NRIP1: variants seen among roughly 807,000 people sequenced by gnomAD.
The protein encoded by NRIP1 is nuclear receptor-interacting protein 1.
In NRIP1, 28 loss-of-function variants were observed where a neutral mutation model predicts 75.0. The observed-to-expected ratio is 0.37, with a 90% CI of 0.28 to 0.51. The LOEUF (loss-of-function observed/expected upper bound fraction) is 0.51. NRIP1 is among the 20% of genes least tolerant of loss of function. NRIP1 has a pLI of 0.92. For synonymous variants in NRIP1, 526 were observed against 487.6 expected, an observed-to-expected ratio of 1.08 and a Z score of -1.04; for missense variants, 1,435 against 1,343.7, an observed-to-expected ratio of 1.07 and a Z score of -1.06.
chr21:15,035,263 G>A (rs1271946405), intron 2 of NRIP1, among the ~76,000 whole-genome samples: 1 of 152,004 alleles, frequency 6.6e-6, no homozygotes, highest in East Asian at 1.9e-4. Context: ...TTTTTCTGAA[G>A]AGAAAACAGG....
chr21:14,994,843 A>G (rs961244195), intron 3 of NRIP1, among the ~76,000 whole-genome samples: 1 of 152,230 alleles, frequency 6.6e-6, no homozygotes, highest in Admixed American at 6.5e-5. Flanking sequence ...AAATGAAAGC[A>G]CTTAACATTG....
At chr21:15,007,263 T>C (rs2087994837) in intron 3 of NRIP1, among the ~76,000 whole-genome samples, 1 of 152,092 alleles carries the variant, frequency 6.6e-6, no homozygotes, top group Non-Finnish European at 1.5e-5. Context: ...AAACTGTAGA[T>C]CAGTTAGTGC....
chr21:14,996,269 C>T (rs1016061800), intron 3 of NRIP1, among the ~76,000 whole-genome samples: 5 of 152,126 alleles, frequency 3.3e-5, no homozygotes, highest in East Asian at 1.9e-4. Context: ...ACCTCCATTC[C>T]GGAAAGCTGC....
At chr21:15,014,778 A>G (rs2147176497) in intron 2 of NRIP1, among the ~76,000 whole-genome samples, 1 of 152,128 alleles carries the variant, frequency 6.6e-6, no homozygotes, top group East Asian at 1.9e-4. Context: ...GTGCTAAATT[A>G]ATTAATTTAC....
At chr21:14,991,194 CACTT>C (rs1038143651) in intron 3 of NRIP1, 6 of 151,674 alleles carry the variant, frequency 4.0e-5, no homozygotes, top group African/African-American at 1.2e-4. Flanking sequence ...AACTACTTCT[CACTT>C]ACTTTCTTTG....
intron 3 of NRIP1, among the ~76,000 whole-genome samples, chr21:15,004,370 A>T (rs1295928037): frequency 6.6e-6 from 1 of 152,216 alleles, no homozygotes; most frequent in Non-Finnish European, 1.5e-5. Context: ...TTTTGTGGAT[A>T]AAAAAATAAC....
intron 3 of NRIP1, among the ~76,000 whole-genome samples, chr21:14,986,138 C>A (rs1385334589): frequency 6.6e-6 from 1 of 152,170 alleles, no homozygotes; most frequent in African/African-American, 2.4e-5. Context: ...AAGATTAAAT[C>A]AAATTGGTCA....
Position 14,967,108 on chromosome 21 carries a change from T to C in NRIP1, c.1085A>G (p.Tyr362Cys), listed in dbSNP as rs200658832. 7.4e-6 allele frequency: 12 copies of C among 1,614,130 alleles called. No individual in the cohort carries two copies. In the East Asian group the frequency reaches 1.3e-4, roughly 18 times the overall value. The change falls in exon 4 of 4, where the codon TAT (tyrosine) becomes TGT (cysteine). Residue 362 changes from tyrosine to cysteine, a missense_variant. Tyr to Cys is a radical substitution (Grantham distance 194). Transcript: ENST00000318948. ...ATTGTTTCTTTCCAGTGAGTTCTTA[T>C]AACCTGCATTTTTAGGGGAAGAAGG... is the stretch of plus-strand genomic sequence containing the variant. Reference protein sequence around the residue: ...IIPSSPKNAGYKNSLERNNIK... With the variant: ...IIPSSPKNAGCKNSLERNNIK...
intron 3 of NRIP1, chr21:15,002,477 C>T (rs552618744): frequency 1.3e-5 from 2 of 152,302 alleles, no homozygotes; most frequent in East Asian, 3.9e-4. Context: ...AAATTAAACA[C>T]ACACACACAC....
chr21:15,039,433 A>G (rs1205338956), intron 2 of NRIP1, among the ~76,000 whole-genome samples: 1 of 152,106 alleles, frequency 6.6e-6, no homozygotes, highest in Non-Finnish European at 1.5e-5. Flanking sequence ...CACATTCCCA[A>G]TTTTGAATAC....
At chr21:15,064,471 G>C (rs1369931907) in intron 1 of NRIP1, among the ~76,000 whole-genome samples, 2 of 152,102 alleles carry the variant, frequency 1.3e-5, no homozygotes, top group Non-Finnish European at 2.9e-5. Context: ...CCACGCGACG[G>C]CCGCCCCCTT....
rs2087003004 is a variant in NRIP1 at position 14,974,733 on chromosome 21, G to A, written c.-334-6207C>T. On this transcript the variant is annotated intron_variant, in intron 3 of 3. Coordinates refer to ENST00000318948, the MANE Select transcript of NRIP1 (RefSeq NM_003489.4). ...AGTCTTTCCTAATGAATAACTAACT[G>A]TATGAAAATACTATACTTACTTTTT... 2.0e-5 allele frequency among the ~76,000 whole-genome samples: 3 copies of A among 152,252 alleles called. No homozygotes were observed. In the South Asian group the frequency reaches 6.2e-4, roughly 32 times the overall value.
At chr21:15,062,286 A>G (rs556239208) in intron 1 of NRIP1, among the ~76,000 whole-genome samples, 28 of 152,346 alleles carry the variant, frequency 1.8e-4, no homozygotes, top group South Asian at 8.3e-4. Context: ...TTTACTCTTC[A>G]TATCTCTGAA....
Position 14,965,199 on chromosome 21 carries a change from CCT to C in NRIP1, c.2992_2993del (p.Arg998AspfsTer18). 1.2e-6 allele frequency: 2 copies of C among 1,613,818 alleles called. No homozygotes were observed. The highest frequency in any genetic ancestry group is 1.7e-6 in the Non-Finnish European group (2 of 1,179,940). ...STQPSSCMDN[R>X]TFSYPGVVKT... is the part of the protein sequence containing the mutation. ...TTACTACACCTGGGTATGAAAATGT[CCT>C]GTTATCCATGCAACTGCTGGGCTGA... On this transcript the variant is annotated frameshift_variant, in exon 4 of 4. Coordinates refer to ENST00000318948, the MANE Select transcript of NRIP1 (RefSeq NM_003489.4). LOFTEE classifies it high-confidence loss of function.
intron 3 of NRIP1, among the ~76,000 whole-genome samples, chr21:14,985,871 T>C (rs2087386400): frequency 6.6e-6 from 1 of 152,232 alleles, no homozygotes; most frequent in African/African-American, 2.4e-5. Context: ...TTTGTTACAT[T>C]TTCTTTTGAT....
rs1265933339 is a variant in NRIP1, at chr21:14,967,325, C to T, written c.868G>A (p.Ala290Thr). 6.2e-7 allele frequency: 1 copy of T among 1,613,954 alleles called. No individual in the cohort carries two copies. Among genetic ancestry groups the T allele is most frequent in the Non-Finnish European group, 8.5e-7 (1 of 1,179,996 alleles). The change falls in exon 4 of 4, where the codon GCA becomes ACA. Residue 290 changes from alanine to threonine, a missense_variant. Transcript: ENST00000318948. ...SREHALKTQN[A>T]NQAASERLAA... ...AGTCTTTCACTTGCTGCTTGATTTGCATTTTGCGTTTTTAAAGCGTGTTCT... is the reference window on the plus strand; with the variant it reads ...AGTCTTTCACTTGCTGCTTGATTTGTATTTTGCGTTTTTAAAGCGTGTTCT...
intron 2 of NRIP1, among the ~76,000 whole-genome samples, chr21:15,033,243 A>G (rs2088752803): frequency 1.3e-5 from 2 of 149,012 alleles, no homozygotes; most frequent in South Asian, 4.3e-4. Context: ...AAAAAAAAAA[A>G]TACTGCATAC....
At chr21:15,019,407 CA>C (rs1250692156) in intron 2 of NRIP1, among the ~76,000 whole-genome samples, 1 of 134,732 alleles carries the variant, frequency 7.4e-6, no homozygotes, top group Non-Finnish European at 1.6e-5. Context: ...ACAAGAAACC[CA>C]AAATAATTAA....
chr21:14,989,047 G>A (rs2087493040), intron 3 of NRIP1, among the ~76,000 whole-genome samples: 1 of 152,190 alleles, frequency 6.6e-6, no homozygotes, highest in Non-Finnish European at 1.5e-5. Context: ...AGAGTTCGCT[G>A]CATGCCTCTA....
Sources: allele counts gnomAD v4.1 joint callset (sites outside exome capture counted in the v4.1 genomes callset), GRCh38; gene constraint gnomAD v4.1.1; transcripts MANE v1.5; gene names NCBI Gene and HGNC (gene_info 2026-07-23, HGNC 2026-07-21).